CLPX: variants seen among roughly 807,000 people sequenced by gnomAD.
CLPX encodes caseinolytic mitochondrial matrix peptidase chaperone subunit X, also known as ATP-dependent clpX-like chaperone, mitochondrial.
In CLPX, 34 loss-of-function variants were observed where a neutral mutation model predicts 76.4. The observed-to-expected ratio is 0.45, with a 90% CI of 0.34 to 0.59. The LOEUF (loss-of-function observed/expected upper bound fraction) is 0.59. Ranked by LOEUF, CLPX falls within the 20% of genes least tolerant of loss-of-function variation. The probability of loss-of-function intolerance (pLI) is 0.01; values close to 1 mark genes in which losing one functional copy is unlikely to be tolerated. For missense variants in CLPX, 613 were observed against 757.0 expected, an observed-to-expected ratio of 0.81 and a Z score of 2.23; for synonymous variants, 248 against 270.9, an observed-to-expected ratio of 0.92 and a Z score of 0.83.
chr15:65,150,441 G>T lies in CLPX; in HGVS notation c.*382C>A, dbSNP rs1426175172. On this transcript the variant is annotated 3_prime_UTR_variant, in exon 14 of 14. Coordinates refer to ENST00000300107, the MANE Select transcript of CLPX (RefSeq NM_006660.5). Reference sequence around the variant, plus strand: ...GTAAAAAAGGTAACACTAAAGAATGGTATCTCAATATTCAATTTTAAAGAA... The same window carrying T: ...GTAAAAAAGGTAACACTAAAGAATGTTATCTCAATATTCAATTTTAAAGAA... 6.4e-6 allele frequency: 1 copy of T among 155,838 alleles called. No homozygotes were observed. The highest frequency in any genetic ancestry group is 2.1e-4 in the South Asian group (1 of 4,850). 9.7% of individuals were successfully genotyped at this position (155,838 alleles called of 1,614,324 possible).
rs775502558 is a variant in CLPX at position 65,152,431 on chromosome 15, G to C, written c.1810C>G (p.Arg604Gly). 6.8e-7 allele frequency: 1 copy of C among 1,471,882 alleles called. No individual in the cohort carries two copies. The highest frequency in any genetic ancestry group is 2.1e-5 in the Admixed American group (1 of 47,800). The allele number at this position is 1,471,882 out of a possible 1,614,324, so 91.2% of individuals were successfully genotyped here. A position where few individuals can be genotyped will look rare whatever the true frequency, so the allele number is the denominator to read the frequency against. ...VEGKKEPGYI[R>G]APTKESSEEE... is the part of the protein sequence containing the mutation. Reference sequence around the variant, plus strand: ...TTCTGGCTTGAAAATACACTTTACCGGATGTATCCTGGTTCCTTTTTTCCT... The same window carrying C: ...TTCTGGCTTGAAAATACACTTTACCCGATGTATCCTGGTTCCTTTTTTCCT... Residue 604 changes from arginine to glycine, a missense_variant and splice_region_variant, in exon 13 of 14, where the codon CGG (arginine) becomes GGG (glycine). This residue lies in a region of CLPX where 450 missense variants were observed against 638.6 expected (regional missense o/e 0.70). Coordinates refer to ENST00000300107, the MANE Select transcript of CLPX (RefSeq NM_006660.5).
intron 6 of CLPX, 91 bp from the exon 7 acceptor site, chr15:65,158,842 C>T: frequency 1.9e-6 from 2 of 1,047,986 alleles, no homozygotes; most frequent in East Asian, 2.7e-5. Context: ...AACTAAATAT[C>T]GACATAGAAA....
chr15:65,157,107 A>G (rs1436607228), intron 8 of CLPX, among the ~76,000 whole-genome samples, 175 bp from the exon 9 acceptor site: 2 of 152,220 alleles, frequency 1.3e-5, no homozygotes, highest in African/African-American at 4.8e-5. Context: ...ATCATTTTGT[A>G]CAACTGCTTT....
At chr15:65,173,222 C>T (rs2088036302) in intron 3 of CLPX, among the ~76,000 whole-genome samples, 1 of 151,772 alleles carries the variant, frequency 6.6e-6, no homozygotes, top group African/African-American at 2.4e-5. Flanking sequence ...ATACAAAAAT[C>T]AGCTGGGTGT....
intron 3 of CLPX, among the ~76,000 whole-genome samples, chr15:65,174,550 A>G (rs2088061533): frequency 6.6e-6 from 1 of 152,220 alleles, no homozygotes; most frequent in Non-Finnish European, 1.5e-5. Context: ...GGCATAAGCC[A>G]CCATGCCGGG....
chr15:65,156,940 T>C lies in CLPX; in HGVS notation c.1058-8A>G. On this transcript the variant is annotated splice_polypyrimidine_tract_variant and splice_region_variant and intron_variant, in intron 8 of 13. Coordinates refer to ENST00000300107, the MANE Select transcript of CLPX (RefSeq NM_006660.5). ...CATCCAGAAAGACAATTCCTATAAT[T>C]TAAGGAGGATTCTATTTATAATACG... 2 of 1,572,154 alleles carry C rather than the reference T, an allele frequency of 1.3e-6. No individual in the cohort carries two copies.
At chr15:65,171,423 G>A (rs557355285) in intron 3 of CLPX, among the ~76,000 whole-genome samples, 69 of 151,820 alleles carry the variant, frequency 4.5e-4, no homozygotes, top group African/African-American at 1.6e-3. Context: ...CTTCAGCCTG[G>A]GCAATAGAGC....
chr15:65,160,060 G>A lies in CLPX; in HGVS notation c.716-1309C>T, dbSNP rs1238784280. The stretch of plus-strand genomic sequence containing the variant: ...ACTGCTGACTTCAGGTGATCCACCC[G>A]CCTCAGCCTCCCCAAGTACTGGGAT... On this transcript the variant is annotated intron_variant, in intron 6 of 13. Coordinates refer to ENST00000300107, the MANE Select transcript of CLPX (RefSeq NM_006660.5). 2.0e-5 allele frequency among the ~76,000 whole-genome samples: 3 copies of A among 152,242 alleles called. No homozygotes were observed. In the East Asian group the frequency reaches 5.8e-4, roughly 29 times the overall value.
At chr15:65,152,358 A>G in intron 13 of CLPX, 72 bp downstream of exon 13, 1 of 583,746 alleles carries the variant, frequency 1.7e-6, no homozygotes, top group Non-Finnish European at 2.9e-6. Context: ...TTAAAATGAC[A>G]AACCAATAAA....
At chr15:65,177,516 T>C (rs2140647177) in intron 3 of CLPX, among the ~76,000 whole-genome samples, 1 of 152,322 alleles carries the variant, frequency 6.6e-6, no homozygotes, top group African/African-American at 2.4e-5. Flanking sequence ...TTATGGTTAA[T>C]GGTAAGTGTG....
chr15:65,164,339 GAT>G, intron 4 of CLPX, 151 bp from the exon 5 acceptor site: 2 of 572,102 alleles, frequency 3.5e-6, no homozygotes, highest in Non-Finnish European at 3.0e-6. Context: ...ATATAGCAAT[GAT>G]TCAGAGGCCC....
At chr15:65,171,345 G>A (rs1436131885) in intron 3 of CLPX, among the ~76,000 whole-genome samples, 1 of 151,968 alleles carries the variant, frequency 6.6e-6, no homozygotes, top group African/African-American at 2.4e-5. Context: ...AACTGGGGAG[G>A]CTGAGGCACG....
chr15:65,179,936 C>A, intron 2 of CLPX, 108 bp downstream of exon 2: 3 of 667,244 alleles, frequency 4.5e-6, no homozygotes. Context: ...TTAGCTATCT[C>A]ATATTTCCTA....
intron 3 of CLPX, among the ~76,000 whole-genome samples, chr15:65,172,442 C>T (rs1029430559): frequency 2.6e-4 from 40 of 151,702 alleles, no homozygotes; most frequent in Non-Finnish European, 2.9e-5. Context: ...CCAGCTTGGC[C>T]AAGATGGTGA....
In CLPX at chr15:65,150,963, A is replaced by T. The variant is rs746673318; in HGVS notation, c.1812-50T>A. The T allele has an allele frequency of 4.6e-6, 6 of 1,314,150 alleles. No individual in the cohort carries two copies. The South Asian group carries it at 5.2e-5, about 11-fold the overall frequency. 81.4% of individuals were successfully genotyped at this position (1,314,150 alleles called of 1,614,324 possible). ...TTTTTAAAATAAAAAATGGAGGTAA[A>T]CATGATCTTTAAAATCAAAACAGCA... On this transcript the variant is annotated intron_variant, in intron 13 of 13. Transcript: ENST00000300107.
intron 1 of CLPX, chr15:65,184,612 G>A (rs1193100307): frequency 6.1e-6 from 1 of 163,620 alleles, no homozygotes; most frequent in Admixed American, 6.2e-5. Flanking sequence ...GAGTCCTGGG[G>A]GACCCTAGTA....
intron 2 of CLPX, 59 bp downstream of exon 2, chr15:65,179,985 A>AT (rs1297492174): frequency 2.3e-6 from 3 of 1,301,484 alleles, no homozygotes; most frequent in South Asian, 1.7e-5. Context: ...GTACTGTTAT[A>AT]TTTTTTTAAA....
At chr15:65,168,442 T>C (rs1402631896) in intron 3 of CLPX, among the ~76,000 whole-genome samples, 1 of 146,408 alleles carries the variant, frequency 6.8e-6, no homozygotes. Flanking sequence ...GTTCATGTCC[T>C]TTGTAGGGAC....
At chr15:65,155,539 G>A (rs549387944) in intron 10 of CLPX, among the ~76,000 whole-genome samples, 153 bp downstream of exon 10, 18 of 152,228 alleles carry the variant, frequency 1.2e-4, no homozygotes, top group South Asian at 1.0e-3. Flanking sequence ...TTGAGTCACC[G>A]CACCCTTCCC....
Sources: allele counts gnomAD v4.1 joint callset (sites outside exome capture counted in the v4.1 genomes callset), GRCh38; gene constraint gnomAD v4.1.1; regional missense constraint gnomAD v4.1.1; transcripts MANE v1.5; gene names NCBI Gene and HGNC (gene_info 2026-07-23, HGNC 2026-07-21).